Variants in KIAA1549L observed in about 807,000 individuals in gnomAD.
KIAA1549L encodes the protein KIAA1549 like, also known as UPF0606 protein KIAA1549L.
In KIAA1549L, 88 loss-of-function variants were observed where a neutral mutation model predicts 160.7. That is an observed-to-expected ratio of 0.55 (90% CI 0.46 to 0.65). The LOEUF (loss-of-function observed/expected upper bound fraction) is 0.65. KIAA1549L is among the 30% of genes least tolerant of loss of function. The pLI, the probability that KIAA1549L is intolerant of heterozygous loss-of-function variation, is 0.00. For missense variants in KIAA1549L, 2,258 were observed against 2,437.5 expected (o/e 0.93, Z 1.55); for synonymous variants, 950 against 976.7 (o/e 0.97, Z 0.51).
At chr11:33,431,970 C>T (rs944360005) in intron 1 of KIAA1549L, among the ~76,000 whole-genome samples, 3 of 152,226 alleles carry the variant, frequency 2.0e-5, no homozygotes, top group South Asian at 2.1e-4. Context: ...GTACGCCCTC[C>T]GTAGCCACTG....
chr11:33,579,269 A>G (rs1855557353), intron 10 of KIAA1549L, among the ~76,000 whole-genome samples: 1 of 152,100 alleles, frequency 6.6e-6, no homozygotes, highest in Non-Finnish European at 1.5e-5. Context: ...TGTTAAGCAC[A>G]TAGTAAGTGG....
chr11:33,649,792 T>G (rs1164902141), intron 17 of KIAA1549L, among the ~76,000 whole-genome samples: 1 of 144,812 alleles, frequency 6.9e-6, no homozygotes, highest in Non-Finnish European at 1.5e-5. Context: ...ACTAGGAGGC[T>G]GAAGTTGGAG....
intron 1 of KIAA1549L, among the ~76,000 whole-genome samples, chr11:33,395,662 A>G (rs1394397020): frequency 6.6e-6 from 1 of 152,176 alleles, no homozygotes; most frequent in Non-Finnish European, 1.5e-5. Context: ...GCTGACTGCT[A>G]GGGTGAAAAA....
intron 1 of KIAA1549L, among the ~76,000 whole-genome samples, chr11:33,426,926 G>T (rs574156993): frequency 6.6e-6 from 1 of 152,228 alleles, no homozygotes; most frequent in South Asian, 2.1e-4. Context: ...CCTATTATCT[G>T]TTTAAGCATA....
chr11:33,645,524 T>G (rs1851693184), intron 16 of KIAA1549L, among the ~76,000 whole-genome samples, 162 bp from the exon 17 acceptor site: 1 of 152,110 alleles, frequency 6.6e-6, no homozygotes, highest in African/African-American at 2.4e-5. Flanking sequence ...GCTGGCTGAG[T>G]ACCCCAGTAG....
chr11:33,622,827 C>G (rs4755769), intron 16 of KIAA1549L, among the ~76,000 whole-genome samples: 93,243 of 152,052 alleles, frequency 0.61, 28,581 homozygotes, highest in Middle Eastern at 0.65. Flanking sequence ...ATCCCAAAGG[C>G]GAAAATGAGC....
At chr11:33,398,951 T>C (rs1850441561) in intron 1 of KIAA1549L, among the ~76,000 whole-genome samples, 1 of 16,128 alleles carries the variant, frequency 6.2e-5, no homozygotes, top group South Asian at 1.0e-3. Context: ...CCAGTGAGTG[T>C]TTTTTTTTTT....
chr11:33,496,599 A>G (rs1852826091), intron 1 of KIAA1549L, among the ~76,000 whole-genome samples: 1 of 151,998 alleles, frequency 6.6e-6, no homozygotes, highest in South Asian at 2.1e-4. Flanking sequence ...ATCATGGTAA[A>G]CCTTGGCAGA....
At chr11:33,435,767 T>G (rs936448768) in intron 1 of KIAA1549L, among the ~76,000 whole-genome samples, 274 of 8,240 alleles carry the variant, frequency 0.033, 43 homozygotes, top group Middle Eastern at 0.062. Context: ...AAGATATATA[T>G]ATATATATAT....
At chr11:33,520,884 C>T (rs189820673) in intron 1 of KIAA1549L, among the ~76,000 whole-genome samples, 21 of 152,224 alleles carry the variant, frequency 1.4e-4, no homozygotes, top group African/African-American at 4.8e-4. Context: ...ACATCTCAGC[C>T]TGGTGCAGTG....
At chr11:33,628,883 A>G (rs558904741) in intron 16 of KIAA1549L, among the ~76,000 whole-genome samples, 100 of 151,658 alleles carry the variant, frequency 6.6e-4, no homozygotes, top group Non-Finnish European at 1.2e-3. Flanking sequence ...CCCAGTCTCG[A>G]TGGTCCTTAC....
chr11:33,403,268 C>CACACAGAA, intron 1 of KIAA1549L: 1 of 135,688 alleles, frequency 7.4e-6, no homozygotes, highest in Middle Eastern at 4.0e-3. Flanking sequence ...CAGACACAGA[C>CACACAGAA]ACACACAGAC....
intron 16 of KIAA1549L, among the ~76,000 whole-genome samples, chr11:33,636,035 C>A (rs1427663057): frequency 1.3e-5 from 2 of 152,162 alleles, no homozygotes; most frequent in African/African-American, 4.8e-5. Flanking sequence ...TCCATCCCAC[C>A]CAGGACATGA....
chr11:33,417,514 C>G (rs1004260929), intron 1 of KIAA1549L, among the ~76,000 whole-genome samples: 2 of 152,176 alleles, frequency 1.3e-5, no homozygotes, highest in Non-Finnish European at 2.9e-5. Flanking sequence ...CTTGCATGAC[C>G]TGCCCCCGAC....
At chr11:33,660,481 C>T (rs1419126723) in intron 19 of KIAA1549L, among the ~76,000 whole-genome samples, 2 of 152,068 alleles carry the variant, frequency 1.3e-5, no homozygotes, top group East Asian at 1.9e-4. Context: ...AGGAGAGTGG[C>T]GTGAACCCAG....
At chr11:33,392,793 C>T (rs986589507) in intron 1 of KIAA1549L, among the ~76,000 whole-genome samples, 3 of 152,108 alleles carry the variant, frequency 2.0e-5, no homozygotes, top group Non-Finnish European at 4.4e-5. Flanking sequence ...CTTGAACTCC[C>T]GGGCTCAAGT....
chr11:33,528,498 G>T lies in KIAA1549L; in HGVS notation c.239-13304G>T, dbSNP rs1853664656. 3.3e-5 allele frequency among the ~76,000 whole-genome samples: 5 copies of T among 152,304 alleles called. No individual in the cohort carries two copies. In the South Asian group the frequency reaches 1.0e-3, roughly 32 times the overall value. Reference sequence around the variant, plus strand: ...TGGGTATCTACTCAGAGGAAAAGAAGTCATTGTATGAAAAAGACATTTGCA... The same window carrying T: ...TGGGTATCTACTCAGAGGAAAAGAATTCATTGTATGAAAAAGACATTTGCA... On this transcript the variant is annotated intron_variant, in intron 1 of 20. Transcript: ENST00000658780.
intron 1 of KIAA1549L, among the ~76,000 whole-genome samples, chr11:33,454,418 T>G (rs1263659912): frequency 6.6e-6 from 1 of 152,190 alleles, no homozygotes; most frequent in Non-Finnish European, 1.5e-5. Flanking sequence ...GAGCTTGACA[T>G]TAATAGCTAG....
Position 33,544,774 on chromosome 11 carries a change from A to G in KIAA1549L, c.2781A>G (p.Thr927=). ...TTTTTTCTCTCTTTACAGCGGACAC[A>G]GTATCATCTAAGGTACAGCCAACAG... ...SQHPKKWTAD[T]VSSKVQPTAA... is the part of the protein sequence containing the mutation. The change falls in exon 3 of 21, where the codon ACA becomes ACG. Residue 927 remains threonine (T), a synonymous_variant. Coordinates refer to ENST00000658780, the MANE Select transcript of KIAA1549L (RefSeq NM_012194.3). The G allele has an allele frequency of 8.8e-6, 14 of 1,593,768 alleles. No individual in the cohort carries two copies. Among genetic ancestry groups the G allele is most frequent in the Non-Finnish European group, 1.2e-5 (14 of 1,167,042 alleles).
Sources: allele counts gnomAD v4.1 joint callset (sites outside exome capture counted in the v4.1 genomes callset), GRCh38; gene constraint gnomAD v4.1.1; transcripts MANE v1.5; gene names NCBI Gene and HGNC (gene_info 2026-07-23, HGNC 2026-07-21).